The following ADGRD1 variants were observed in gnomAD, a reference collection of about 807,000 sequenced individuals.
ADGRD1 encodes the protein G-protein coupled receptor 133.
Under a neutral mutation model 113.4 loss-of-function variants are expected in ADGRD1, and 77 were observed. That is an observed-to-expected ratio of 0.68 (90% CI 0.57 to 0.82). ADGRD1 has a LOEUF of 0.82. Ranked by LOEUF, ADGRD1 falls within the 40% of genes least tolerant of loss-of-function variation. The pLI is 0.00. For missense variants in ADGRD1, 1,036 were observed against 1,139.1 expected, an observed-to-expected ratio of 0.91 and a Z score of 1.30; for synonymous variants, 474 against 475.0, an observed-to-expected ratio of 1.00 and a Z score of 0.03.
At chr12:130,998,369 AT>A (rs1307893509) in intron 8 of ADGRD1, among the ~76,000 whole-genome samples, 24 of 152,308 alleles carry the variant, frequency 1.6e-4, no homozygotes, top group African/African-American at 5.8e-4. Flanking sequence ...AGTCATGCAG[AT>A]TTACCCAAAA....
At chr12:130,981,086 A>G (rs1180229507) in intron 4 of ADGRD1, 1 of 152,236 alleles carries the variant, frequency 6.6e-6, no homozygotes, top group Non-Finnish European at 1.5e-5. Flanking sequence ...ACAATTGAAG[A>G]TATCAACAAC....
At position 131,137,960 on chromosome 12, in the gene ADGRD1, C is replaced by CCGCCCCACAGAGCAGCGA. The variant is rs1178246915; in HGVS notation, c.2437-177_2437-176insCGCCCCACAGAGCAGCGA. 3 of 615,148 alleles carry CCGCCCCACAGAGCAGCGA rather than the reference C, an allele frequency of 4.9e-6. No individual in the cohort carries two copies. In the African/African-American group the frequency reaches 5.5e-5, roughly 11 times the overall value. 38.1% of individuals were successfully genotyped at this position (615,148 alleles called of 1,614,324 possible). ...CCCTGGCCTGCGATACAACCTGGCT[C>CCGCCCCACAGAGCAGCGA]TGCCCCACAGAGCAGCGATGCACAG... On this transcript the variant is annotated intron_variant, in intron 23 of 24. Transcript: ENST00000261654.
intron 13 of ADGRD1, among the ~76,000 whole-genome samples, chr12:131,049,209 G>T (rs1192476651): frequency 1.3e-5 from 2 of 152,212 alleles, no homozygotes; most frequent in Non-Finnish European, 1.5e-5. Flanking sequence ...TATCAGGCGG[G>T]GCCTTGGATA....
intron 8 of ADGRD1, chr12:130,994,274 G>C: frequency 2.2e-6 from 1 of 452,264 alleles, no homozygotes; most frequent in Non-Finnish European, 4.5e-6. Context: ...TGCAGTAAGT[G>C]CTTTATTAAT....
chr12:130,980,225 C>G (rs1447064399), intron 4 of ADGRD1, among the ~76,000 whole-genome samples: 1 of 151,962 alleles, frequency 6.6e-6, no homozygotes, highest in Non-Finnish European at 1.5e-5. Context: ...CTGCCTCAGC[C>G]TCCTGAGCAG....
intron 5 of ADGRD1, among the ~76,000 whole-genome samples, chr12:130,985,049 C>T (rs1191303554): frequency 6.6e-6 from 1 of 151,992 alleles, no homozygotes; most frequent in Admixed American, 6.6e-5. Flanking sequence ...ATCCTCCTAC[C>T]TCAGTTGCCC....
chr12:131,014,441 C>A, intron 13 of ADGRD1, 101 bp downstream of exon 13: 1 of 1,124,650 alleles, frequency 8.9e-7, no homozygotes, highest in Non-Finnish European at 1.3e-6. Context: ...CTCCAACAGC[C>A]TTGGTGCCGG....
At chr12:130,990,809 A>C (rs1874284086) in intron 6 of ADGRD1, 1 of 494,450 alleles carries the variant, frequency 2.0e-6, no homozygotes, top group African/African-American at 2.0e-5. Context: ...ATGGAAAAGT[A>C]ATGTGACCTG....
At chr12:130,958,036 C>A (rs819118) in intron 2 of ADGRD1, 80,388 of 153,100 alleles carry the variant, frequency 0.53, 21,445 homozygotes, top group East Asian at 0.78. Flanking sequence ...CCATGAACAA[C>A]ACATCCTGCT....
Position 130,971,570 on chromosome 12 carries a change from T to C in ADGRD1, c.300T>C (p.Cys100=). The part of the protein sequence containing the change: ...NSSCISKPEQ[C]GPEGVTFSFF... ...CCTGCATCAGCAAGCCAGAGCAGTGTGGCCCTGAAGGTGAGTGGCTGATCC... is the reference window on the plus strand; with the variant it reads ...CCTGCATCAGCAAGCCAGAGCAGTGCGGCCCTGAAGGTGAGTGGCTGATCC... The change falls in exon 4 of 25, where the codon TGT becomes TGC. Residue 100 remains cysteine (C), a synonymous_variant. Transcript: ENST00000261654. This position sits in a 1 kb window ranked among gnomAD's most constrained non-coding sequence, Gnocchi z 4.2. 1.9e-6 allele frequency: 3 copies of C among 1,608,986 alleles called. No homozygotes were observed. The highest frequency in any genetic ancestry group is 2.2e-5 in the South Asian group (2 of 90,224).
intron 18 of ADGRD1, among the ~76,000 whole-genome samples, chr12:131,110,278 TCTTC>T (rs1950321253): frequency 6.6e-6 from 1 of 152,216 alleles, no homozygotes; most frequent in African/African-American, 2.4e-5. Flanking sequence ...GTTTCTCTAT[TCTTC>T]CTTTACTTCT....
In ADGRD1 at chr12:131,050,636, T is replaced by C. The variant is rs1883284789; in HGVS notation, c.1474-26165T>C. On this transcript the variant is annotated intron_variant, in intron 13 of 24. Coordinates refer to ENST00000261654, the MANE Select transcript of ADGRD1 (RefSeq NM_198827.5). This position sits in a 1 kb window ranked among gnomAD's most constrained non-coding sequence, Gnocchi z 4.8. ...TGCCACACACTTTTAAGCGACCAGA[T>C]CCACGAGAACGCATGATCGTGGGGA... Among the ~76,000 whole-genome samples, 1 of 151,802 alleles carries C rather than the reference T, an allele frequency of 6.6e-6. No individual in the cohort carries two copies. Among genetic ancestry groups the C allele is most frequent in the Admixed American group, 6.6e-5 (1 of 15,258 alleles).
chr12:131,139,157 A>T lies in ADGRD1; in HGVS notation c.2530-11A>T, dbSNP rs762492710. On this transcript the variant is annotated splice_polypyrimidine_tract_variant and intron_variant, in intron 24 of 24. Coordinates refer to ENST00000261654, the MANE Select transcript of ADGRD1 (RefSeq NM_198827.5). ...CAGGCCCTTCACTGCTCATCCCTTT[A>T]TGCTTTGCAGATGAATGGGACCCGG... is the stretch of plus-strand genomic sequence containing the variant. The T allele has an allele frequency of 6.2e-7, 1 of 1,609,484 alleles. No homozygotes were observed. The highest frequency in any genetic ancestry group is 8.5e-7 in the Non-Finnish European group (1 of 1,176,874).
At chr12:131,038,653 T>C (rs1217079370) in intron 13 of ADGRD1, among the ~76,000 whole-genome samples, 1 of 152,206 alleles carries the variant, frequency 6.6e-6, no homozygotes, top group South Asian at 2.1e-4. Flanking sequence ...TCCTCATGGC[T>C]GGAGGCAGAG....
At chr12:131,015,051 A>G (rs1327121956) in intron 13 of ADGRD1, among the ~76,000 whole-genome samples, 1 of 152,248 alleles carries the variant, frequency 6.6e-6, no homozygotes. Flanking sequence ...CAAAGTGTTT[A>G]TTCAAGAACT....
chr12:131,030,107 T>C (rs1880506644), intron 13 of ADGRD1, among the ~76,000 whole-genome samples: 1 of 149,544 alleles, frequency 6.7e-6, no homozygotes, highest in African/African-American at 2.5e-5. Context: ...GCTCTGGGGT[T>C]AGGTTGTGGA....
intron 12 of ADGRD1, among the ~76,000 whole-genome samples, chr12:131,008,119 G>A (rs200334188): frequency 8.5e-4 from 129 of 152,332 alleles, no homozygotes; most frequent in African/African-American, 3.1e-3. Flanking sequence ...ATTGCCAGGA[G>A]GACTGAATGA....
intron 8 of ADGRD1, among the ~76,000 whole-genome samples, chr12:130,994,858 G>T (rs1395678070): frequency 6.6e-6 from 1 of 152,206 alleles, no homozygotes; most frequent in African/African-American, 2.4e-5. Flanking sequence ...GGGGCTTGTG[G>T]CCAGGGGCAT....
chr12:131,005,146 G>A (rs768666529), intron 11 of ADGRD1, among the ~76,000 whole-genome samples: 3 of 152,206 alleles, frequency 2.0e-5, no homozygotes, highest in Non-Finnish European at 4.4e-5. Flanking sequence ...TGTGGGAAAG[G>A]TGCCCCGACT....
Sources: gnomAD v4.1 joint callset for allele counts (sites outside exome capture counted in the v4.1 genomes callset) on GRCh38, gnomAD v4.1.1 for gene constraint, Gnocchi (gnomAD v3.1) non-coding constraint, MANE v1.5 for transcripts, NCBI Gene and HGNC (gene_info 2026-07-23, HGNC 2026-07-21) for gene names.